Variants in LINGO3 observed in about 807,000 individuals in gnomAD.
The protein encoded by LINGO3 is leucine-rich repeat and immunoglobulin-like domain-containing nogo receptor-interacting protein 3.
For synonymous variants in LINGO3, 427 were observed against 444.2 expected (o/e 0.96, Z 0.49); for missense variants, 750 against 867.7 (o/e 0.86, Z 1.70).
At chr19:2,303,258 C>T in the LINGO3 span, among the ~76,000 whole-genome samples, 14 of 152,280 alleles carry the variant, frequency 9.2e-5, no homozygotes, top group African/African-American at 2.6e-4. Flanking sequence ...TTTCCCCCAG[C>T]GTCAAGGTGG....
At chr19:2,303,462 A>AGGCT in the LINGO3 span, among the ~76,000 whole-genome samples, 3 of 150,336 alleles carry the variant, frequency 2.0e-5, no homozygotes, top group Non-Finnish European at 4.4e-5. Flanking sequence ...GGGTACAGCT[A>AGGCT]AGCGAGGGGC....
chr19:2,306,918 C>A, the LINGO3 span, among the ~76,000 whole-genome samples: 4 of 152,138 alleles, frequency 2.6e-5, no homozygotes, highest in African/African-American at 9.7e-5. Context: ...GGCCATGCCG[C>A]GGCAGCCCAC....
At chr19:2,291,721 G>GGCGCCGCGGGCA (rs1383878437) in exon 1 of LINGO3, 11 of 1,342,232 alleles carry the variant, frequency 8.2e-6, no homozygotes, top group Non-Finnish European at 1.0e-5. Flanking sequence ...AGCCGGGGGC[G>GGCGCCGCGGGCA]GCGCCGCGGG....
chr19:2,299,923 C>G, the LINGO3 span, among the ~76,000 whole-genome samples: 3 of 151,456 alleles, frequency 2.0e-5, no homozygotes, highest in Non-Finnish European at 4.4e-5. Context: ...TGGGGTTTCA[C>G]CGTGTTAGCC....
At chr19:2,288,083 T>C (rs1041735286), downstream of LINGO3, among the ~76,000 whole-genome samples, 1 of 152,134 alleles carries the variant, frequency 6.6e-6, no homozygotes, top group Admixed American at 6.6e-5. The surrounding 1 kb of genome is among the most constrained non-coding windows in gnomAD (Gnocchi z 6.5). Context: ...AAACCTCAGC[T>C]CCTGCTTGTT....
the LINGO3 span, among the ~76,000 whole-genome samples, chr19:2,298,722 G>A: frequency 6.6e-6 from 1 of 151,910 alleles, no homozygotes; most frequent in South Asian, 2.1e-4. Flanking sequence ...TGTATTTTTA[G>A]TAGAGATGGG....
chr19:2,297,332 T>A, the LINGO3 span, among the ~76,000 whole-genome samples: 3 of 114,324 alleles, frequency 2.6e-5, no homozygotes, highest in African/African-American at 1.0e-4. Flanking sequence ...TGAGACAGAG[T>A]CTCGCTCTGT....
chr19:2,297,583 A>T, the LINGO3 span, among the ~76,000 whole-genome samples: 2 of 145,296 alleles, frequency 1.4e-5, no homozygotes, highest in African/African-American at 5.1e-5. Context: ...GATTACAGGC[A>T]TAAGCCACCG....
At chr19:2,288,448 G>A (rs935943347), downstream of LINGO3, among the ~76,000 whole-genome samples, 1 of 152,184 alleles carries the variant, frequency 6.6e-6, no homozygotes, top group African/African-American at 2.4e-5. This position sits in a 1 kb window ranked among gnomAD's most constrained non-coding sequence, Gnocchi z 6.5. Flanking sequence ...GTCTGAGGCC[G>A]GCTCAGAGGT....
upstream of LINGO3, among the ~76,000 whole-genome samples, chr19:2,293,271 A>T (rs748323923): frequency 1.3e-5 from 2 of 151,288 alleles, no homozygotes; most frequent in Non-Finnish European, 2.9e-5. Flanking sequence ...TCACCGTGTT[A>T]GCCAGGATGG....
chr19:2,298,038 G>A, the LINGO3 span, among the ~76,000 whole-genome samples: 28 of 151,414 alleles, frequency 1.8e-4, no homozygotes, highest in African/African-American at 6.8e-4. Context: ...ACAGGCGCCC[G>A]CCACCACATC....
rs1460052103 is a variant in LINGO3, at chr19:2,290,567, A to G, written c.1210T>C (p.Cys404Arg). 1.3e-6 allele frequency: 2 copies of G among 1,558,960 alleles called. No homozygotes were observed. The highest frequency in any genetic ancestry group is 1.8e-5 in the Admixed American group (1 of 54,058). The change falls in exon 1 of 1, where the codon TGC becomes CGC. Residue 404 changes from cysteine to arginine, a missense_variant. Transcript: ENST00000585527. The surrounding 1 kb of genome is among the most constrained non-coding windows in gnomAD (Gnocchi z 6.0). ...CGCTCCCGGATCTTGGGTTTGCGGC[A>G]CACGAAGTACTCGAACAGCACGGAG... is the stretch of plus-strand genomic sequence containing the variant.
chr19:2,295,537 G>A (rs1311849114), upstream of LINGO3, among the ~76,000 whole-genome samples: 1 of 152,040 alleles, frequency 6.6e-6, no homozygotes, highest in Non-Finnish European at 1.5e-5. Flanking sequence ...GAGTTCGAGA[G>A]CAGCCTAAGC....
At chr19:2,292,020 T>C in exon 1 of LINGO3, 1 of 501,758 alleles carries the variant, frequency 2.0e-6, no homozygotes, top group Non-Finnish European at 3.8e-6. Flanking sequence ...GACTCCCATC[T>C]CTACAAAAAA....
the LINGO3 span, among the ~76,000 whole-genome samples, chr19:2,307,412 A>C: frequency 6.6e-6 from 1 of 152,078 alleles, no homozygotes. Context: ...CTGCTCCCCT[A>C]AACTTGTTGA....
chr19:2,296,188 T>C (rs993950321), upstream of LINGO3, among the ~76,000 whole-genome samples: 1 of 152,002 alleles, frequency 6.6e-6, no homozygotes, highest in Non-Finnish European at 1.5e-5. Context: ...GGGACAAGAG[T>C]GCTAGGGCGG....
the LINGO3 span, among the ~76,000 whole-genome samples, chr19:2,297,067 G>C: frequency 2.0e-5 from 3 of 151,284 alleles, no homozygotes; most frequent in Non-Finnish European, 2.9e-5. Context: ...ACTCCAACCT[G>C]GGCGACAGAG....
At chr19:2,305,925 G>A in the LINGO3 span, among the ~76,000 whole-genome samples, 1 of 152,212 alleles carries the variant, frequency 6.6e-6, no homozygotes, top group African/African-American at 2.4e-5. Flanking sequence ...CTAGATCCAG[G>A]CCCTCCCGGG....
chr19:2,305,057 C>T, the LINGO3 span, among the ~76,000 whole-genome samples: 3 of 152,064 alleles, frequency 2.0e-5, no homozygotes, highest in African/African-American at 7.2e-5. Flanking sequence ...CTCTGGCCTC[C>T]AGAACGGTGC....
Sources: allele counts gnomAD v4.1 joint callset (sites outside exome capture counted in the v4.1 genomes callset), GRCh38; gene constraint gnomAD v4.1.1; non-coding constraint Gnocchi (gnomAD v3.1); transcripts MANE v1.5; gene names NCBI Gene and HGNC (gene_info 2026-07-23, HGNC 2026-07-21).